PNKD: variants seen among roughly 807,000 people sequenced by gnomAD.
PNKD encodes probable thioesterase PNKD.
A neutral mutation model predicts 45.3 loss-of-function variants in PNKD; 36 were observed. The observed-to-expected ratio is 0.80, with a 90% CI of 0.61 to 1.05. The LOEUF is 1.05. Ranked by LOEUF, PNKD falls within the 50% of genes least tolerant of loss-of-function variation. PNKD has a pLI of 0.00. For synonymous variants in PNKD, 197 were observed against 210.1 expected, an observed-to-expected ratio of 0.94 and a Z score of 0.54; for missense variants, 511 against 506.6, an observed-to-expected ratio of 1.01 and a Z score of -0.08.
chr2:218,304,250 G>A (rs1034139705), intron 2 of PNKD, among the ~76,000 whole-genome samples: 2 of 151,988 alleles, frequency 1.3e-5, no homozygotes, highest in African/African-American at 4.8e-5. Context: ...CAGTTCAAGC[G>A]ATTCTCCTGC....
intron 2 of PNKD, among the ~76,000 whole-genome samples, chr2:218,316,437 T>C (rs994085763): frequency 2.0e-5 from 3 of 151,990 alleles, no homozygotes; most frequent in Non-Finnish European, 4.4e-5. Context: ...ATCCAGCTAA[T>C]TTTTTGTATT....
At chr2:218,334,170 A>G (rs909118624) in intron 2 of PNKD, among the ~76,000 whole-genome samples, 2 of 151,988 alleles carry the variant, frequency 1.3e-5, no homozygotes, top group African/African-American at 4.8e-5. Flanking sequence ...ACTTGTCAAA[A>G]TAGTATATAG....
In PNKD at chr2:218,344,859, C is replaced by T; in HGVS notation, c.1036C>T (p.His346Tyr). The T allele has an allele frequency of 1.2e-6, 2 of 1,614,010 alleles. No homozygotes were observed. Among genetic ancestry groups the T allele is most frequent in the African/African-American group, 1.3e-5 (1 of 75,048 alleles). The change falls in exon 10 of 10, where the codon CAC (histidine) becomes TAC (tyrosine). Residue 346 changes from histidine to tyrosine, a missense_variant. Transcript: ENST00000273077. ...CTCCTACAACCCGTTCCTGAGAACC[C>T]ACTGCCTGGCGCTACAGGAGGCTCT... is the stretch of plus-strand genomic sequence containing the variant. ...ERSYNPFLRT[H>Y]CLALQEALGP...
intron 2 of PNKD, chr2:218,292,524 G>C (rs915094033): frequency 2.0e-5 from 3 of 152,078 alleles, no homozygotes; most frequent in Non-Finnish European, 2.9e-5. Context: ...CTCCGGGGCC[G>C]GGCAGGGCTA....
At chr2:218,330,240 C>T (rs768541768) in intron 2 of PNKD, among the ~76,000 whole-genome samples, 3 of 152,178 alleles carry the variant, frequency 2.0e-5, no homozygotes, top group East Asian at 1.9e-4. Context: ...GGCCTGAGGC[C>T]GGCCCTGGGC....
chr2:218,277,303 G>A (rs1415894256), intron 2 of PNKD: 24 of 1,476,702 alleles, frequency 1.6e-5, no homozygotes, highest in Middle Eastern at 1.8e-4. Flanking sequence ...CTAGTGTGCC[G>A]GGGTCCGGGC....
intron 2 of PNKD, chr2:218,334,908 A>G (rs1694443429): frequency 3.4e-6 from 2 of 589,038 alleles, no homozygotes; most frequent in South Asian, 4.3e-5. Flanking sequence ...TGGGGTCTCC[A>G]GGTGTTAAGA....
chr2:218,329,805 T>A (rs1694267381), intron 2 of PNKD, among the ~76,000 whole-genome samples: 1 of 152,250 alleles, frequency 6.6e-6, no homozygotes. Context: ...GTTTTGAGAA[T>A]GCACAAAACA....
chr2:218,333,296 T>C (rs1694384650), intron 2 of PNKD, among the ~76,000 whole-genome samples: 1 of 152,194 alleles, frequency 6.6e-6, no homozygotes, highest in Non-Finnish European at 1.5e-5. Flanking sequence ...GGGGCCTTGT[T>C]TACTGCGGCT....
At chr2:218,320,996 T>C (rs189930322) in intron 2 of PNKD, among the ~76,000 whole-genome samples, 17 of 152,258 alleles carry the variant, frequency 1.1e-4, no homozygotes, top group South Asian at 2.1e-4. Context: ...TCACCCTCAC[T>C]CCTTTTCCCA....
chr2:218,314,222 C>CCTTT (rs764538692), intron 2 of PNKD, among the ~76,000 whole-genome samples: 4 of 67,710 alleles, frequency 5.9e-5, no homozygotes, highest in African/African-American at 2.6e-4. Context: ...CGCGCCCTGG[C>CCTTT]TTTTTTTTTT....
intron 2 of PNKD, among the ~76,000 whole-genome samples, chr2:218,276,250 T>C (rs1691200920): frequency 2.6e-5 from 4 of 152,114 alleles, no homozygotes; most frequent in Non-Finnish European, 4.4e-5. Context: ...ACTGGTGATA[T>C]ATCCAGCAGA....
rs532801537 is a variant in PNKD, at chr2:218,344,640, T to C, written c.984+70T>C. On this transcript the variant is annotated intron_variant, in intron 9 of 9. Transcript: ENST00000273077. ...AGCCCCAACGGGAACCCATCCATGC[T>C]GACCCCAGGCCTGCGAGCACCTCCC... 8.7e-5 allele frequency: 126 copies of C among 1,451,086 alleles called. 1 individual carries two copies. In the South Asian group the frequency reaches 1.3e-3, roughly 15 times the overall value. The allele number at this position is 1,451,086 out of a possible 1,614,324, so 89.9% of individuals were successfully genotyped here.
rs74406249 is a variant in PNKD, at chr2:218,330,449, G to T, written c.237-9334G>T. Among the ~76,000 whole-genome samples the T allele has an allele frequency of 2.5e-3, 374 of 152,296 alleles. 12 individuals carry two copies. In the East Asian group the frequency reaches 0.058, roughly 24 times the overall value. On this transcript the variant is annotated intron_variant, in intron 2 of 9. Coordinates refer to ENST00000273077, the MANE Select transcript of PNKD (RefSeq NM_015488.5). ...CCACGGGGCTGGAGGCTCACATTCA[G>T]ATACCAGAGACACCAACTGCTGGCT... is the stretch of plus-strand genomic sequence containing the variant.
intron 2 of PNKD, among the ~76,000 whole-genome samples, chr2:218,296,448 G>C (rs758716983): frequency 4.6e-5 from 7 of 152,086 alleles, no homozygotes; most frequent in Non-Finnish European, 8.8e-5. Context: ...GGAAGGGGTG[G>C]GCCCAGGTGG....
intron 2 of PNKD, chr2:218,279,403 C>T: frequency 6.7e-7 from 1 of 1,489,420 alleles, no homozygotes; most frequent in Non-Finnish European, 9.0e-7. Flanking sequence ...CCCTGGCCTG[C>T]CCCAGGAAGC....
At chr2:218,274,601 C>T in intron 2 of PNKD, 1 of 155,566 alleles carries the variant, frequency 6.4e-6, no homozygotes, top group Middle Eastern at 5.2e-4. Context: ...TCTCTCTTCA[C>T]CCTGGCTACT....
At chr2:218,341,898 C>A in intron 6 of PNKD, 83 bp from the exon 7 acceptor site, 1 of 1,175,116 alleles carries the variant, frequency 8.5e-7, no homozygotes, top group Non-Finnish European at 1.3e-6. Context: ...GTGAATCACC[C>A]AGCCCCTTGG....
intron 2 of PNKD, among the ~76,000 whole-genome samples, chr2:218,309,913 G>A (rs1203102599): frequency 6.6e-5 from 10 of 150,590 alleles, no homozygotes; most frequent in East Asian, 1.9e-4. Context: ...CCAGCCTGGC[G>A]ACAGAGCGAG....
Sources: gnomAD v4.1 joint callset for allele counts (sites outside exome capture counted in the v4.1 genomes callset) on GRCh38, gnomAD v4.1.1 for gene constraint, MANE v1.5 for transcripts, NCBI Gene and HGNC (gene_info 2026-07-23, HGNC 2026-07-21) for gene names.